DLG2: variants seen among roughly 807,000 people sequenced by gnomAD.
DLG2 encodes the protein discs large MAGUK scaffold protein 2.
A neutral mutation model predicts 132.5 loss-of-function variants in DLG2; 45 were observed. The observed-to-expected ratio is 0.34, with a 90% CI of 0.27 to 0.44. The LOEUF (loss-of-function observed/expected upper bound fraction) is 0.44, where lower values mean the gene tolerates loss of function less well. Among genes scored for constraint, DLG2 ranks in the 20% least tolerant of loss-of-function variants. The pLI is 1.00. For missense variants in DLG2, 1,045 were observed against 1,196.9 expected, an observed-to-expected ratio of 0.87 and a Z score of 1.87; for synonymous variants, 424 against 419.6, an observed-to-expected ratio of 1.01 and a Z score of -0.13.
chr11:84,087,881 T>C (rs1237664347), intron 10 of DLG2, among the ~76,000 whole-genome samples: 1 of 152,214 alleles, frequency 6.6e-6, no homozygotes, highest in African/African-American at 2.4e-5. Context: ...AACTATAGGA[T>C]AATAAATTCG....
At chr11:85,067,991 T>C (rs963910148) in intron 6 of DLG2, among the ~76,000 whole-genome samples, 3 of 152,048 alleles carry the variant, frequency 2.0e-5, no homozygotes, top group South Asian at 2.1e-4. Flanking sequence ...GCAAGGCTGT[T>C]TCAACATATG....
chr11:83,832,738 C>T (rs762761155), intron 17 of DLG2, among the ~76,000 whole-genome samples: 1 of 151,856 alleles, frequency 6.6e-6, no homozygotes, highest in Non-Finnish European at 1.5e-5. Flanking sequence ...TCGTGTGTAC[C>T]GCCAAATCTA....
At chr11:85,341,589 C>A (rs561407017) in intron 3 of DLG2, among the ~76,000 whole-genome samples, 1 of 152,098 alleles carries the variant, frequency 6.6e-6, no homozygotes, top group Non-Finnish European at 1.5e-5. Context: ...ACCTTAGTCC[C>A]GATCTTAGTA....
chr11:83,738,228 C>A (rs949358296), intron 18 of DLG2, among the ~76,000 whole-genome samples: 2 of 152,150 alleles, frequency 1.3e-5, no homozygotes, highest in Non-Finnish European at 2.9e-5. Flanking sequence ...GCCACCATTA[C>A]AATGTTTACC....
intron 3 of DLG2, among the ~76,000 whole-genome samples, chr11:85,464,003 C>CACACACACACACACACAT (rs1186476406): frequency 2.2e-5 from 3 of 139,090 alleles, no homozygotes; most frequent in Admixed American, 6.9e-5. Flanking sequence ...CACACACACA[C>CACACACACACACACACAT]ATACACACAC....
intron 6 of DLG2, among the ~76,000 whole-genome samples, chr11:84,591,324 T>G (rs1217734381): frequency 1.3e-5 from 2 of 151,446 alleles, no homozygotes; most frequent in Non-Finnish European, 2.9e-5. Flanking sequence ...GTTTTTTTTT[T>G]TTTGTTTTGT....
intron 6 of DLG2, among the ~76,000 whole-genome samples, chr11:84,937,108 T>A (rs1248044374): frequency 1.3e-5 from 2 of 152,170 alleles, no homozygotes; most frequent in Non-Finnish European, 2.9e-5. Context: ...GCCGAGATCA[T>A]GCCATTGCAC....
intron 18 of DLG2, among the ~76,000 whole-genome samples, chr11:83,670,908 G>A (rs2076722162): frequency 6.6e-6 from 1 of 152,030 alleles, no homozygotes; most frequent in Non-Finnish European, 1.5e-5. Context: ...GCAAACTTTT[G>A]TTTCTATAAA....
chr11:85,143,866 T>C (rs1447439814), intron 5 of DLG2, among the ~76,000 whole-genome samples: 1 of 151,918 alleles, frequency 6.6e-6, no homozygotes. Flanking sequence ...TCATTGAGAA[T>C]GACCCATGTG....
At chr11:85,408,807 T>G (rs1434239599) in intron 3 of DLG2, among the ~76,000 whole-genome samples, 4 of 151,548 alleles carry the variant, frequency 2.6e-5, no homozygotes, top group African/African-American at 7.3e-5. Context: ...TGTTGGACAT[T>G]TGGGTTGGTT....
intron 3 of DLG2, among the ~76,000 whole-genome samples, chr11:85,405,337 G>T (rs2088620655): frequency 6.6e-6 from 1 of 151,956 alleles, no homozygotes. Context: ...ACATGGCCAA[G>T]AAGTCCTTAC....
rs11518762 is a variant in DLG2 at position 85,610,619 on chromosome 11, G to T, written c.-92-11831C>A. Among the ~76,000 whole-genome samples, 1,122 of 152,332 alleles carry T rather than the reference G, an allele frequency of 7.4e-3. 3 individuals carry two copies. The highest frequency in any genetic ancestry group is 0.019 in the South Asian group (91 of 4,822). On this transcript the variant is annotated intron_variant, in intron 2 of 27. Coordinates refer to ENST00000376104, the MANE Select transcript of DLG2 (RefSeq NM_001142699.3). ...CAAGTTCAGGCACTCTGGCCCTTCA[G>T]TATGTGGATGATTTACCTTTGGCTA... is the stretch of plus-strand genomic sequence containing the variant.
At chr11:84,874,042 C>T (rs1012410150) in intron 6 of DLG2, among the ~76,000 whole-genome samples, 2 of 152,174 alleles carry the variant, frequency 1.3e-5, no homozygotes, top group African/African-American at 4.8e-5. Context: ...CTAGGGGAAA[C>T]TAAACCCTCA....
intron 6 of DLG2, among the ~76,000 whole-genome samples, chr11:84,855,590 C>T (rs1038507047): frequency 4.6e-5 from 7 of 152,006 alleles, no homozygotes; most frequent in African/African-American, 1.7e-4. Context: ...TTAAAACATG[C>T]AGCTCTTCCA....
At chr11:84,828,269 T>G (rs935631934) in intron 6 of DLG2, among the ~76,000 whole-genome samples, 1 of 151,802 alleles carries the variant, frequency 6.6e-6, no homozygotes, top group African/African-American at 2.4e-5. Context: ...ATATGTTCAG[T>G]GAGGAATTTT....
At chr11:84,901,687 A>T (rs2090906123) in intron 6 of DLG2, among the ~76,000 whole-genome samples, 1 of 152,090 alleles carries the variant, frequency 6.6e-6, no homozygotes, top group South Asian at 2.1e-4. Context: ...AAATGTTGTT[A>T]TAGGGTCATT....
intron 6 of DLG2, among the ~76,000 whole-genome samples, chr11:84,737,514 G>C (rs1311153528): frequency 6.6e-6 from 1 of 151,812 alleles, no homozygotes; most frequent in Non-Finnish European, 1.5e-5. Context: ...GAGAGAGAGA[G>C]AGAGAGAGAG....
chr11:83,620,272 G>GT (rs199659205), intron 19 of DLG2, among the ~76,000 whole-genome samples: 6 of 151,710 alleles, frequency 4.0e-5, no homozygotes, highest in African/African-American at 7.3e-5. Context: ...AAAAAAATCT[G>GT]TTTTTTTAAA....
intron 4 of DLG2, among the ~76,000 whole-genome samples, chr11:85,264,909 C>T (rs868371831): frequency 2.0e-5 from 3 of 152,188 alleles, no homozygotes; most frequent in Non-Finnish European, 2.9e-5. Flanking sequence ...TTAGAGATTA[C>T]GTAAGGTTCT....
Sources: allele counts gnomAD v4.1 joint callset (sites outside exome capture counted in the v4.1 genomes callset), GRCh38; gene constraint gnomAD v4.1.1; transcripts MANE v1.5; gene names NCBI Gene and HGNC (gene_info 2026-07-23, HGNC 2026-07-21).